Variants in ATPAF1 observed in about 807,000 individuals in gnomAD.
The protein encoded by ATPAF1 is ATP synthase mitochondrial F1 complex assembly factor 1, also known as homolog of yeast ATP11.
In ATPAF1, 26 loss-of-function variants were observed where a neutral mutation model predicts 43.9. That is an observed-to-expected ratio of 0.59 (90% CI 0.43 to 0.82). The LOEUF (loss-of-function observed/expected upper bound fraction) is 0.82. Among genes scored for constraint, ATPAF1 ranks in the 40% least tolerant of loss-of-function variants. ATPAF1 has a pLI of 0.00. For missense variants in ATPAF1, 366 were observed against 435.0 expected (o/e 0.84, Z 1.41); for synonymous variants, 157 against 168.0 (o/e 0.93, Z 0.50).
intron 6 of ATPAF1, among the ~76,000 whole-genome samples, chr1:46,649,694 C>G (rs1435622294): frequency 6.6e-6 from 1 of 152,012 alleles, no homozygotes; most frequent in African/African-American, 2.4e-5. Context: ...GAGGCTGAGG[C>G]AGGAGGATTG....
chr1:46,654,238 C>T (rs974315223), intron 4 of ATPAF1, among the ~76,000 whole-genome samples: 4 of 152,128 alleles, frequency 2.6e-5, no homozygotes, highest in Non-Finnish European at 5.9e-5. Context: ...AGGACTAGAG[C>T]TCAGGGTTCA....
upstream of ATPAF1, chr1:46,668,452 G>A (rs1340177242): frequency 2.5e-5 from 28 of 1,133,702 alleles, no homozygotes; most frequent in African/African-American, 3.6e-4. The surrounding 1 kb of genome is among the most constrained non-coding windows in gnomAD (Gnocchi z 4.4). Context: ...CCAAGGTTCC[G>A]GGCGCGGGAT....
In ATPAF1 at chr1:46,649,272, T is replaced by C. The variant is rs187174370; in HGVS notation, c.588+3309A>G. ...TTTTGTGCATGATATTCAATTGTTT[T>C]AGCAGCATTTGTTGAAAAGATTATC... On this transcript the variant is annotated intron_variant, in intron 6 of 8. Transcript: ENST00000574428. Among the ~76,000 whole-genome samples, 17 of 152,312 alleles carry C rather than the reference T, an allele frequency of 1.1e-4. No individual in the cohort carries two copies. In the East Asian group the frequency reaches 3.1e-3, roughly 28 times the overall value.
chr1:46,662,312 C>T (rs1557428157), intron 2 of ATPAF1, among the ~76,000 whole-genome samples: 1 of 152,118 alleles, frequency 6.6e-6, no homozygotes, highest in African/African-American at 2.4e-5. Context: ...AACCTTACTA[C>T]TATAAGTGTT....
chr1:46,635,445 G>T (rs2181411), exon 9 of ATPAF1: 2 of 246,274 alleles, frequency 8.1e-6, no homozygotes, highest in Admixed American at 4.9e-5. Context: ...GGAGCTATAA[G>T]GTCAAAGTGG....
chr1:46,645,607 C>A (rs1676029866), intron 6 of ATPAF1, among the ~76,000 whole-genome samples: 2 of 151,954 alleles, frequency 1.3e-5, no homozygotes, highest in Admixed American at 6.6e-5. Flanking sequence ...AAGCAATCTG[C>A]CTCCCTCAGC....
chr1:46,637,293 T>C (rs540438206), intron 8 of ATPAF1, among the ~76,000 whole-genome samples: 1 of 152,028 alleles, frequency 6.6e-6, no homozygotes, highest in Non-Finnish European at 1.5e-5. Context: ...GACAGGAGGA[T>C]TGCTTGAGAC....
At chr1:46,652,774 T>C in intron 5 of ATPAF1, 146 bp from the exon 6 acceptor site, 1 of 745,670 alleles carries the variant, frequency 1.3e-6, no homozygotes, top group Non-Finnish European at 2.2e-6. Context: ...ATCACTCTTA[T>C]GACAGAAAGA....
exon 7 of ATPAF1, chr1:46,645,171 A>G (rs1175168750): frequency 2.5e-6 from 4 of 1,613,160 alleles, no homozygotes; most frequent in Non-Finnish European, 3.4e-6. Context: ...CTGAATATTT[A>G]TAAGTGCAGT....
At chr1:46,661,359 A>G (rs1383546843) in intron 2 of ATPAF1, among the ~76,000 whole-genome samples, 1 of 152,180 alleles carries the variant, frequency 6.6e-6, no homozygotes, top group Non-Finnish European at 1.5e-5. Flanking sequence ...TACATGTGTG[A>G]GCCACTGCAC....
At chr1:46,635,081 A>C (rs1675811694) in exon 9 of ATPAF1, 1 of 152,678 alleles carries the variant, frequency 6.5e-6, no homozygotes, top group Non-Finnish European at 1.5e-5. Flanking sequence ...TACTGCACTG[A>C]TTCATTCCTT....
intron 2 of ATPAF1, 61 bp downstream of exon 2, chr1:46,665,195 G>A (rs767465643): frequency 1.4e-5 from 22 of 1,525,012 alleles, no homozygotes; most frequent in Non-Finnish European, 1.9e-5. Context: ...GGATAAGGGT[G>A]AGGGTAAGGA....
rs1412250832 is a variant in ATPAF1, at chr1:46,636,093, T to G, written c.793-123A>C. On this transcript the variant is annotated intron_variant, in intron 8 of 8. Coordinates refer to ENST00000574428, the Ensembl canonical transcript of ATPAF1. The stretch of plus-strand genomic sequence containing the variant: ...CCACTTCCAGAAAGTTTCCTTAACT[T>G]CTTGAAGTCCCTAGTCTTGGTTAGG... The G allele has an allele frequency of 6.6e-6, 7 of 1,064,116 alleles. 1 individual carries two copies. The South Asian group carries it at 8.9e-5, about 14-fold the overall frequency. The allele number at this position is 1,064,116 out of a possible 1,614,324, so 65.9% of individuals were successfully genotyped here. A position where few individuals can be genotyped will look rare whatever the true frequency, so the allele number is the denominator to read the frequency against.
At chr1:46,645,476 T>C (rs1231677372) in intron 6 of ATPAF1, among the ~76,000 whole-genome samples, 1 of 151,818 alleles carries the variant, frequency 6.6e-6, no homozygotes, top group East Asian at 1.9e-4. Flanking sequence ...ATCTTCCCAC[T>C]CAGCCTCCCA....
chr1:46,654,217 C>T (rs945262233), intron 4 of ATPAF1, among the ~76,000 whole-genome samples: 1 of 152,100 alleles, frequency 6.6e-6, no homozygotes, highest in Non-Finnish European at 1.5e-5. Flanking sequence ...ACTGAGCCTT[C>T]CCAGAGAGTC....
chr1:46,668,190 G>T lies in ATPAF1; in HGVS notation c.133C>A (p.Arg45Ser). Reference sequence around the variant, plus strand: ...GAGCCGGGGCGCACTGGGAAGACGCGCAGCTGCGCGGGTGACACGAGCCCC... The same window carrying T: ...GAGCCGGGGCGCACTGGGAAGACGCTCAGCTGCGCGGGTGACACGAGCCCC... Residue 45 changes from arginine to serine, a missense_variant, in exon 1 of 9, where the codon CGC (arginine) becomes AGC (serine). Coordinates refer to ENST00000574428, the Ensembl canonical transcript of ATPAF1. This position sits in a 1 kb window ranked among gnomAD's most constrained non-coding sequence, Gnocchi z 4.4. 7.2e-7 allele frequency: 1 copy of T among 1,395,006 alleles called. No individual in the cohort carries two copies. Among genetic ancestry groups the T allele is most frequent in the East Asian group, 3.1e-5 (1 of 32,138 alleles). The allele number at this position is 1,395,006 out of a possible 1,614,324, so 86.4% of individuals were successfully genotyped here.
At chr1:46,645,692 A>G (rs910166759) in intron 6 of ATPAF1, among the ~76,000 whole-genome samples, 3 of 152,182 alleles carry the variant, frequency 2.0e-5, no homozygotes, top group Non-Finnish European at 4.4e-5. Context: ...TAAGAAATTC[A>G]TATGTGGCAA....
chr1:46,664,505 T>C (rs1419350987), intron 2 of ATPAF1: 1 of 152,388 alleles, frequency 6.6e-6, no homozygotes, highest in South Asian at 2.1e-4. Flanking sequence ...AAGAGTTTAA[T>C]GCCTAACTTA....
intron 6 of ATPAF1, among the ~76,000 whole-genome samples, chr1:46,649,858 T>G (rs1282124478): frequency 6.6e-6 from 1 of 151,788 alleles, no homozygotes; most frequent in Non-Finnish European, 1.5e-5. Flanking sequence ...CTGAAGAGAT[T>G]GAGGCTGCAG....
Sources: gnomAD v4.1 joint callset for allele counts (sites outside exome capture counted in the v4.1 genomes callset) on GRCh38, gnomAD v4.1.1 for gene constraint, Gnocchi (gnomAD v3.1) non-coding constraint, MANE v1.5 for transcripts, NCBI Gene and HGNC (gene_info 2026-07-23, HGNC 2026-07-21) for gene names.